The following LTBP1 variants were observed in gnomAD, a reference collection of about 807,000 sequenced individuals.
LTBP1 encodes latent-transforming growth factor beta-binding protein 1.
LTBP1 carries 129 observed loss-of-function variants against 207.6 expected under a neutral mutation model. The ratio of observed to expected loss-of-function variants is 0.62; its 90% confidence interval spans 0.54 to 0.72. The LOEUF is 0.72. LTBP1 is among the 30% of genes least tolerant of loss of function. The pLI is 0.00. For synonymous variants in LTBP1, 963 were observed against 833.7 expected (o/e 1.16, Z -2.67); for missense variants, 2,281 against 2,217.2 (o/e 1.03, Z -0.58).
intron 7 of LTBP1, among the ~76,000 whole-genome samples, chr2:33,198,128 CA>C (rs1422249546): frequency 6.6e-6 from 1 of 152,018 alleles, no homozygotes; most frequent in Non-Finnish European, 1.5e-5. Flanking sequence ...CCATAAGAAA[CA>C]AACTTTTCTG....
chr2:32,949,760 T>C (rs1370139841), intron 2 of LTBP1, among the ~76,000 whole-genome samples: 2 of 152,342 alleles, frequency 1.3e-5, no homozygotes, highest in Admixed American at 1.3e-4. Context: ...TGGATTGGAA[T>C]TGTCCAAAAT....
intron 5 of LTBP1, among the ~76,000 whole-genome samples, chr2:33,146,275 G>A (rs1454890213): frequency 6.6e-6 from 1 of 152,164 alleles, no homozygotes; most frequent in Non-Finnish European, 1.5e-5. Context: ...ATCAGGCACT[G>A]CTCTTCTTAC....
intron 3 of LTBP1, among the ~76,000 whole-genome samples, chr2:33,064,118 G>A (rs1333476371): frequency 6.6e-6 from 1 of 152,166 alleles, no homozygotes; most frequent in Non-Finnish European, 1.5e-5. Flanking sequence ...CTCCCAAAGT[G>A]CTAGGATTAC....
At chr2:33,227,270 AC>A (rs1157497219) in intron 9 of LTBP1, among the ~76,000 whole-genome samples, 2 of 151,766 alleles carry the variant, frequency 1.3e-5, no homozygotes, top group Non-Finnish European at 2.9e-5. Flanking sequence ...CAAGCAAATC[AC>A]CCGTCTCCAC....
chr2:33,015,358 G>T (rs1275497892), intron 2 of LTBP1, among the ~76,000 whole-genome samples: 1 of 152,170 alleles, frequency 6.6e-6, no homozygotes, highest in Non-Finnish European at 1.5e-5. Flanking sequence ...ACCATGTAAT[G>T]AATTAAGAGA....
intron 18 of LTBP1, 49 bp from the exon 19 acceptor site, chr2:33,279,990 C>G (rs773102592): frequency 1.4e-5 from 22 of 1,602,746 alleles, no homozygotes; most frequent in Non-Finnish European, 1.9e-5. Flanking sequence ...TAAGATTTTG[C>G]TTTGGTATTC....
chr2:32,978,843 T>G (rs1258322839), intron 2 of LTBP1, among the ~76,000 whole-genome samples: 1 of 152,000 alleles, frequency 6.6e-6, no homozygotes, highest in Non-Finnish European at 1.5e-5. Context: ...CGTCCTGGGC[T>G]TTTCCTTCCT....
chr2:33,252,281 C>T (rs75099280), intron 10 of LTBP1, among the ~76,000 whole-genome samples: 5,536 of 152,292 alleles, frequency 0.036, 355 homozygotes, highest in African/African-American at 0.13. Context: ...CCTGATTATT[C>T]ACTAAATGCT....
chr2:33,077,979 C>T (rs387402), intron 3 of LTBP1, among the ~76,000 whole-genome samples: 114,587 of 152,054 alleles, frequency 0.75, 45,407 homozygotes, highest in East Asian at 0.98. Flanking sequence ...TGAACTCACC[C>T]TTGTAGATTT....
intron 2 of LTBP1, among the ~76,000 whole-genome samples, chr2:32,959,613 A>ATTTTTTTTT (rs71407488): frequency 3.5e-4 from 13 of 36,760 alleles, no homozygotes; most frequent in Admixed American, 5.0e-4. Context: ...ATATATATAT[A>ATTTTTTTTT]TATATATATT....
intron 3 of LTBP1, among the ~76,000 whole-genome samples, chr2:33,060,774 C>T (rs2077231096): frequency 6.6e-6 from 1 of 151,732 alleles, no homozygotes; most frequent in South Asian, 2.1e-4. Flanking sequence ...ATGAGGGGAT[C>T]AGAAGGGCCA....
intron 4 of LTBP1, among the ~76,000 whole-genome samples, chr2:33,131,086 A>G (rs2150534873): frequency 6.6e-6 from 1 of 152,068 alleles, no homozygotes; most frequent in Non-Finnish European, 1.5e-5. Flanking sequence ...CTTAGACCAA[A>G]ATGACCTCCA....
intron 5 of LTBP1, among the ~76,000 whole-genome samples, chr2:33,152,020 T>C (rs1158221294): frequency 6.6e-6 from 1 of 152,106 alleles, no homozygotes; most frequent in African/African-American, 2.4e-5. Flanking sequence ...AAGAATTTTG[T>C]GACTAAGAAC....
At chr2:32,979,752 A>T (rs1420784075) in intron 2 of LTBP1, among the ~76,000 whole-genome samples, 1 of 152,070 alleles carries the variant, frequency 6.6e-6, no homozygotes, top group African/African-American at 2.4e-5. Flanking sequence ...TGTCTGGATG[A>T]TGTGTCTGTT....
intron 24 of LTBP1, among the ~76,000 whole-genome samples, chr2:33,316,395 G>T (rs568416031): frequency 6.6e-6 from 1 of 152,320 alleles, no homozygotes; most frequent in South Asian, 2.1e-4. Context: ...GCTAGTACCA[G>T]AATGGAACCA....
At chr2:33,382,111 T>TTTG (rs1553316521) in intron 31 of LTBP1, among the ~76,000 whole-genome samples, 1 of 103,652 alleles carries the variant, frequency 9.6e-6, no homozygotes, top group African/African-American at 4.8e-5. Context: ...TTTTTTTTTT[T>TTTG]TGAGACAGAG....
chr2:33,285,130 C>T (rs1339168453), intron 19 of LTBP1, among the ~76,000 whole-genome samples: 3 of 150,832 alleles, frequency 2.0e-5, no homozygotes, highest in Admixed American at 6.6e-5. Context: ...CAACCTCCGC[C>T]TCCAGGGTTC....
chr2:32,990,027 C>T (rs541237435), intron 2 of LTBP1, among the ~76,000 whole-genome samples: 25 of 152,274 alleles, frequency 1.6e-4, no homozygotes, highest in African/African-American at 5.3e-4. Flanking sequence ...ACCGCTTGAG[C>T]CCAGGAGTTT....
chr2:33,201,634 T>TA (rs201476419), intron 7 of LTBP1, among the ~76,000 whole-genome samples: 9 of 126,934 alleles, frequency 7.1e-5, no homozygotes, highest in African/African-American at 1.8e-4. Context: ...ATAATGATAA[T>TA]AAAAAAAAAG....
Sources: allele counts gnomAD v4.1 joint callset (sites outside exome capture counted in the v4.1 genomes callset), GRCh38; gene constraint gnomAD v4.1.1; transcripts MANE v1.5; gene names NCBI Gene and HGNC (gene_info 2026-07-23, HGNC 2026-07-21).